TAF5L: variants seen among roughly 807,000 people sequenced by gnomAD.
The protein encoded by TAF5L is TATA-box binding protein associated factor 5 like, also known as TAF5-like RNA polymerase II p300/CBP-associated factor-associated factor 65 kDa subunit 5L.
Under a neutral mutation model 51.3 loss-of-function variants are expected in TAF5L, and 7 were observed. The observed-to-expected ratio is 0.14, with a 90% CI of 0.08 to 0.26. The LOEUF (loss-of-function observed/expected upper bound fraction) is 0.26. Ranked by LOEUF, TAF5L falls within the 10% of genes least tolerant of loss-of-function variation. The probability of loss-of-function intolerance (pLI) is 1.00; values close to 1 mark genes in which losing one functional copy is unlikely to be tolerated. For synonymous variants in TAF5L, 291 were observed against 308.1 expected, an observed-to-expected ratio of 0.94 and a Z score of 0.58; for missense variants, 575 against 758.9, an observed-to-expected ratio of 0.76 and a Z score of 2.85.
chr1:229,602,759 G>A lies in TAF5L; in HGVS notation c.408C>T (p.Val136=), dbSNP rs778701199. ...TTTGAGTGGTCTGTAGCTGCTCAAT[G>A]ACATCCTTCTGGCTAGCATTCTGCA... Residue 136 remains valine, a synonymous_variant, in exon 4 of 5, where the codon GTC becomes GTT. Transcript: ENST00000258281. The surrounding 1 kb of genome is among the most constrained non-coding windows in gnomAD (Gnocchi z 4.6). 2.5e-6 allele frequency: 4 copies of A among 1,614,134 alleles called. No individual in the cohort carries two copies. Among genetic ancestry groups the A allele is most frequent in the South Asian group, 2.2e-5 (2 of 91,074 alleles).
chr1:229,594,722 T>C lies in TAF5L; in HGVS notation c.1345A>G (p.Thr449Ala). 1 of 1,614,166 alleles carries C rather than the reference T, an allele frequency of 6.2e-7. No individual in the cohort carries two copies. The highest frequency in any genetic ancestry group is 8.5e-7 in the Non-Finnish European group (1 of 1,180,042). Residue 449 changes from threonine (T) to alanine (A), a missense_variant, in exon 5 of 5, where the codon ACC becomes GCC. By Grantham distance (58) the Thr-to-Ala change is moderately conservative (BLOSUM62 0). Transcript: ENST00000258281. The surrounding 1 kb of genome is among the most constrained non-coding windows in gnomAD (Gnocchi z 7.9). ...TGCTGAGCGCTCCACAGCCGGACGG[T>C]CTTGTCGGTTGAGCCCGTGGCCAAG...
chr1:229,614,084 T>A, intron 2 of TAF5L: 1 of 632,826 alleles, frequency 1.6e-6, no homozygotes, highest in Non-Finnish European at 2.8e-6. Flanking sequence ...ATAAAGTAAC[T>A]GAGAAGTCCT....
chr1:229,611,479 T>C (rs1379207489), intron 2 of TAF5L, among the ~76,000 whole-genome samples: 1 of 151,948 alleles, frequency 6.6e-6, no homozygotes, highest in African/African-American at 2.4e-5. Flanking sequence ...AGGAAATACG[T>C]AGAAAGGGAA....
chr1:229,594,369 G>A lies in TAF5L; in HGVS notation c.1698C>T (p.Val566=), dbSNP rs1245154784. The change falls in exon 5 of 5, where the codon GTC becomes GTT. Residue 566 remains valine (V), a synonymous_variant. Transcript: ENST00000258281. The surrounding 1 kb of genome is among the most constrained non-coding windows in gnomAD (Gnocchi z 7.9). ...TACAGGCCATGAACTGCACGCTCAG[G>A]ACGTTGCTCATCTGCCCGGTGTACA... The A allele has an allele frequency of 1.9e-6, 3 of 1,614,056 alleles. No homozygotes were observed.
At chr1:229,620,878 T>C (rs555954287) in intron 1 of TAF5L, among the ~76,000 whole-genome samples, 1 of 152,204 alleles carries the variant, frequency 6.6e-6, no homozygotes, top group Admixed American at 6.5e-5. Flanking sequence ...TAAGACGTTT[T>C]CCCATGCTTA....
At chr1:229,620,607 C>T (rs1665165979) in intron 1 of TAF5L, among the ~76,000 whole-genome samples, 1 of 152,196 alleles carries the variant, frequency 6.6e-6, no homozygotes, top group Non-Finnish European at 1.5e-5. Flanking sequence ...AACGTGAGTG[C>T]TATCTAGCTT....
At chr1:229,601,153 TG>T in intron 4 of TAF5L, 1 of 985,406 alleles carries the variant, frequency 1.0e-6, no homozygotes, top group Middle Eastern at 5.2e-4. Flanking sequence ...CTGTCTCGGT[TG>T]CAAGAATCAA....
At chr1:229,617,425 C>T (rs947817921) in intron 1 of TAF5L, among the ~76,000 whole-genome samples, 25 of 152,206 alleles carry the variant, frequency 1.6e-4, no homozygotes, top group African/African-American at 5.3e-4. Context: ...TCCTACTCTG[C>T]GGGCTTTCCC....
At chr1:229,607,475 T>C in intron 3 of TAF5L, 1 of 985,442 alleles carries the variant, frequency 1.0e-6, no homozygotes, top group Non-Finnish European at 1.2e-6. Flanking sequence ...TTTTTGCTCA[T>C]GTTATTTCTT....
intron 3 of TAF5L, among the ~76,000 whole-genome samples, chr1:229,604,768 C>A (rs1664519633): frequency 6.6e-6 from 1 of 152,104 alleles, no homozygotes; most frequent in Non-Finnish European, 1.5e-5. Context: ...AAGAGGCAAC[C>A]ATGAATACCA....
At chr1:229,598,390 G>A (rs748037415) in intron 4 of TAF5L, among the ~76,000 whole-genome samples, 11 of 152,130 alleles carry the variant, frequency 7.2e-5, no homozygotes, top group Non-Finnish European at 1.3e-4. Flanking sequence ...TAATCTAAAT[G>A]ACAATTTGAT....
Position 229,594,314 on chromosome 1 carries a change from C to T in TAF5L, c.1753G>A (p.Glu585Lys). ...TTAAAAAATTAATGTTCCTGATTTT[C>T]TTGTGTAATTCCAGTCACCAGAAGA... The change falls in exon 5 of 5, where the codon GAA becomes AAA. Residue 585 changes from glutamate (E) to lysine (K), a missense_variant. By Grantham distance (56) the Glu-to-Lys change is moderately conservative. Coordinates refer to ENST00000258281, the Ensembl canonical transcript of TAF5L. The surrounding 1 kb of genome is among the most constrained non-coding windows in gnomAD (Gnocchi z 7.9). 6.2e-7 allele frequency: 1 copy of T among 1,605,514 alleles called. No individual in the cohort carries two copies. The highest frequency in any genetic ancestry group is 8.5e-7 in the Non-Finnish European group (1 of 1,173,878).
At chr1:229,616,786 T>C (rs950851114) in intron 1 of TAF5L, among the ~76,000 whole-genome samples, 4 of 152,210 alleles carry the variant, frequency 2.6e-5, no homozygotes, top group Admixed American at 1.3e-4. Flanking sequence ...TATATACATG[T>C]AAATATAAAA....
At chr1:229,599,431 A>G (rs1238274740) in intron 4 of TAF5L, 4 of 165,346 alleles carry the variant, frequency 2.4e-5, no homozygotes, top group Admixed American at 1.3e-4. Context: ...CACACCCATT[A>G]GCGGTCACTC....
At position 229,625,385 on chromosome 1, in the gene TAF5L, G is replaced by A. The variant is rs1335199759; in HGVS notation, c.-4+500C>T. ...GCTAGTCTAACTCTGGCTCCCCCGT[G>A]TCACACGCGGAGATCGACTCCACAC... On this transcript the variant is annotated intron_variant, in intron 1 of 4. Transcript: ENST00000258281. This position sits in a 1 kb window ranked among gnomAD's most constrained non-coding sequence, Gnocchi z 4.0. Among the ~76,000 whole-genome samples the A allele has an allele frequency of 6.6e-6, 1 of 152,008 alleles. No individual in the cohort carries two copies. The highest frequency in any genetic ancestry group is 1.5e-5 in the Non-Finnish European group (1 of 67,984).
At chr1:229,595,228 T>C (rs1664077987) in intron 4 of TAF5L, 134 bp from the exon 5 acceptor site, 4 of 919,062 alleles carry the variant, frequency 4.4e-6, no homozygotes, top group South Asian at 1.7e-5. Context: ...ATCCAGCAAA[T>C]GACAGTGGCC....
intron 3 of TAF5L, chr1:229,607,184 C>T: frequency 1.0e-6 from 1 of 982,630 alleles, no homozygotes; most frequent in South Asian, 4.7e-5. Context: ...ATCGTCACCT[C>T]TTCTTCCTCC....
At position 229,614,454 on chromosome 1, in the gene TAF5L, T is replaced by C. The variant is rs201762718; in HGVS notation, c.29A>G (p.Gln10Arg). The C allele has an allele frequency of 1.9e-6, 3 of 1,614,198 alleles. No homozygotes were observed. In the African/African-American group the frequency reaches 4.0e-5, roughly 22 times the overall value. ...TTTGAGGTAGCAGGACACTGCCATC[T>C]GAATCTGCTCGGTACGCACTCGTTT... Residue 10 changes from glutamine to arginine, a missense_variant, in exon 2 of 5, where the codon CAG (glutamine) becomes CGG (arginine). Gln to Arg is a conservative substitution (Grantham distance 43). This residue lies in a region of TAF5L where 380 missense variants were observed against 443.7 expected (regional missense o/e 0.86). Coordinates refer to ENST00000258281, the Ensembl canonical transcript of TAF5L.
At chr1:229,605,869 G>C (rs184861259) in intron 3 of TAF5L, among the ~76,000 whole-genome samples, 3 of 152,184 alleles carry the variant, frequency 2.0e-5, no homozygotes, top group Admixed American at 6.5e-5. Context: ...CTCCACAATT[G>C]CATGGAACAA....
Sources: allele counts gnomAD v4.1 joint callset (sites outside exome capture counted in the v4.1 genomes callset), GRCh38; gene constraint gnomAD v4.1.1; regional missense constraint gnomAD v4.1.1; non-coding constraint Gnocchi (gnomAD v3.1); transcripts MANE v1.5; gene names NCBI Gene and HGNC (gene_info 2026-07-23, HGNC 2026-07-21).